PABIR2: variants seen among roughly 807,000 people sequenced by gnomAD.
PABIR2 encodes the protein family with sequence similarity 122B.
In PABIR2, 7 loss-of-function variants were observed where a neutral mutation model predicts 22.8. The ratio of observed to expected loss-of-function variants is 0.31; its 90% CI spans 0.17 to 0.58. PABIR2 has a LOEUF of 0.58. Ranked by LOEUF, PABIR2 falls within the 20% of genes least tolerant of loss-of-function variation. The pLI is 0.89. For synonymous variants in PABIR2, 67 were observed against 73.8 expected (o/e 0.91, Z 0.47); for missense variants, 155 against 205.1 (o/e 0.76, Z 1.49).
chrX:134,793,910 CA>C lies in PABIR2; in HGVS notation c.99-18del, dbSNP rs2079623366. On this transcript the variant is annotated intron_variant, in intron 1 of 9. Coordinates refer to ENST00000343004, the MANE Select transcript of PABIR2 (RefSeq NM_001387468.1). ...GAAAGGTCACTGAAAAAAACAAAAA[CA>C]AACAAACAAAAAAAACAAAATTAGT... 1 of 1,190,207 alleles carries C rather than the reference CA, an allele frequency of 8.4e-7. No homozygotes were observed. The highest frequency in any genetic ancestry group is 1.1e-6 in the Non-Finnish European group (1 of 888,271).
chrX:134,780,565 C>T (rs1482075062), intron 9 of PABIR2, among the ~76,000 whole-genome samples: 1 of 111,662 alleles, frequency 9.0e-6, no homozygotes, highest in African/African-American at 3.3e-5. Context: ...GGCAACAGAG[C>T]GAGCCTATCT....
intron 9 of PABIR2, among the ~76,000 whole-genome samples, chrX:134,778,770 CTA>C (rs1413069301): frequency 9.0e-6 from 1 of 110,950 alleles, no homozygotes; most frequent in African/African-American, 3.3e-5. Flanking sequence ...TGTTGACACT[CTA>C]TGAGTGGCTG....
chrX:134,796,140 T>A lies in PABIR2; in HGVS notation c.66A>T (p.Arg22Ser). The A allele has an allele frequency of 8.3e-7, 1 of 1,210,673 alleles. No homozygotes were observed. Among genetic ancestry groups the A allele is most frequent in the Non-Finnish European group, 1.1e-6 (1 of 895,198 alleles). The part of the protein sequence containing the change: ...PDTSYGGTLR[R>S]SSSAPLIHGL... ...CATGGATTAGGGGAGCGCTGCTGGA[T>A]CTCCTCAGGGTTCCCCCATAAGATG... Residue 22 changes from arginine (R) to serine (S), a missense_variant, in exon 1 of 10, where the codon AGA (arginine) becomes AGT (serine). Physicochemically the swap from Arg to Ser is moderately radical, Grantham distance 110. Coordinates refer to ENST00000343004, the MANE Select transcript of PABIR2 (RefSeq NM_001387468.1).
At chrX:134,787,895 G>A (rs2079388718) in intron 6 of PABIR2, among the ~76,000 whole-genome samples, 1 of 107,130 alleles carries the variant, frequency 9.3e-6, no homozygotes, top group South Asian at 4.0e-4. Flanking sequence ...GCCTCCCAAA[G>A]AGTTGGAATG....
At chrX:134,777,003 C>T (rs2078996000) in intron 9 of PABIR2, among the ~76,000 whole-genome samples, 1 of 112,179 alleles carries the variant, frequency 8.9e-6, no homozygotes, top group African/African-American at 3.2e-5. Context: ...CTGGCTGAAC[C>T]ACTTTGTGTC....
At chrX:134,793,726 T>C (rs1282707692) in intron 2 of PABIR2, 89 bp downstream of exon 2, 6 of 1,009,184 alleles carry the variant, frequency 5.9e-6, no homozygotes, top group Admixed American at 2.3e-5. Flanking sequence ...CTTAAACAAT[T>C]GTGCATAGCA....
At chrX:134,794,117 G>C (rs1013596512) in intron 1 of PABIR2, 5 of 597,728 alleles carry the variant, frequency 8.4e-6, no homozygotes, top group East Asian at 3.4e-4. Flanking sequence ...CTCAGTGGTC[G>C]GGGGGCAGCT....
At chrX:134,785,680 G>A (rs182529105) in intron 8 of PABIR2, among the ~76,000 whole-genome samples, 1 of 111,694 alleles carries the variant, frequency 9.0e-6, no homozygotes, top group Non-Finnish European at 1.9e-5. Flanking sequence ...GACCCGAGGC[G>A]ATCCACCTGC....
At chrX:134,784,410 G>A (rs1001175976) in intron 8 of PABIR2, among the ~76,000 whole-genome samples, 3 of 110,375 alleles carry the variant, frequency 2.7e-5, no homozygotes, top group Non-Finnish European at 3.8e-5. Context: ...GTTGCAGTGA[G>A]CCAAGATCAC....
At position 134,778,184 on chromosome X, in the gene PABIR2, G is replaced by A. The variant is rs1347097510; in HGVS notation, c.659+3637C>T. On this transcript the variant is annotated intron_variant, in intron 9 of 9. Coordinates refer to ENST00000343004, the MANE Select transcript of PABIR2 (RefSeq NM_001387468.1). ...GTTGGGATTACAGGCGTGAGCCACCGTGCTTGGCCAGGATCCAGTTTTTAT... is the reference window on the plus strand; with the variant it reads ...GTTGGGATTACAGGCGTGAGCCACCATGCTTGGCCAGGATCCAGTTTTTAT... 5.1e-5 allele frequency among the ~76,000 whole-genome samples: 5 copies of A among 98,678 alleles called. No homozygotes were observed. In the East Asian group the frequency reaches 1.6e-3, roughly 31 times the overall value. 85.7% of individuals were successfully genotyped at this position (98,678 alleles called of 115,157 possible).
intron 1 of PABIR2, among the ~76,000 whole-genome samples, chrX:134,795,257 T>A (rs1006989095): frequency 8.9e-6 from 1 of 112,057 alleles, no homozygotes. Context: ...GCCTTCACTG[T>A]GCTTGATTAA....
intron 9 of PABIR2, among the ~76,000 whole-genome samples, chrX:134,776,858 C>T (rs1029756891): frequency 1.4e-4 from 16 of 111,827 alleles, no homozygotes; most frequent in African/African-American, 5.2e-4. Context: ...ATGATCTGAT[C>T]CTTTTTCTGC....
chrX:134,781,037 A>T (rs1009788604), intron 9 of PABIR2, among the ~76,000 whole-genome samples: 5 of 112,691 alleles, frequency 4.4e-5, no homozygotes, highest in Non-Finnish European at 7.5e-5. Context: ...GACTGGATAC[A>T]AAATGCAGGC....
chrX:134,794,898 T>C (rs1364910962), intron 1 of PABIR2, among the ~76,000 whole-genome samples: 1 of 112,132 alleles, frequency 8.9e-6, no homozygotes, highest in East Asian at 2.8e-4. Flanking sequence ...CCTGGTCTCC[T>C]TGCCCCTTCT....
chrX:134,788,528 AAT>A (rs1156584006), intron 6 of PABIR2, among the ~76,000 whole-genome samples, 200 bp downstream of exon 6: 11 of 101,271 alleles, frequency 1.1e-4, no homozygotes, highest in South Asian at 7.5e-4. Flanking sequence ...ATATATATGT[AAT>A]ATATATGTTA....
At chrX:134,787,385 C>G in intron 7 of PABIR2, 87 bp downstream of exon 7, 1 of 931,379 alleles carries the variant, frequency 1.1e-6, no homozygotes, top group South Asian at 2.0e-5. Context: ...CAGGTGTGAG[C>G]CACTGCGCCC....
intron 8 of PABIR2, among the ~76,000 whole-genome samples, chrX:134,785,009 T>C (rs1187777325): frequency 9.8e-5 from 11 of 112,027 alleles, no homozygotes; most frequent in Admixed American, 3.8e-4. Context: ...TATGGATATG[T>C]TTGCTACGGC....
chrX:134,771,574 T>C lies in PABIR2; in HGVS notation c.*565A>G. The C allele has an allele frequency of 1.1e-6, 1 of 931,543 alleles. No homozygotes were observed. The highest frequency in any genetic ancestry group is 1.3e-6 in the Non-Finnish European group (1 of 752,781). The allele number at this position is 931,543 out of a possible 1,213,427, so 76.8% of individuals were successfully genotyped here. On this transcript the variant is annotated 3_prime_UTR_variant, in exon 10 of 10. Coordinates refer to ENST00000343004, the MANE Select transcript of PABIR2 (RefSeq NM_001387468.1). Reference sequence around the variant, plus strand: ...AAGCAACTACGTATTTCTTCCCCTCTGTGAGAAATGGCATAAGCGGCTCAA... The same window carrying C: ...AAGCAACTACGTATTTCTTCCCCTCCGTGAGAAATGGCATAAGCGGCTCAA...
intron 6 of PABIR2, among the ~76,000 whole-genome samples, 193 bp downstream of exon 6, chrX:134,788,537 G>GTT (rs2079447345): frequency 9.7e-6 from 1 of 102,638 alleles, no homozygotes; most frequent in Non-Finnish European, 1.9e-5. Flanking sequence ...TAATATATAT[G>GTT]TTATATATAT....
Sources: allele counts gnomAD v4.1 joint callset (sites outside exome capture counted in the v4.1 genomes callset), GRCh38; gene constraint gnomAD v4.1.1; transcripts MANE v1.5; gene names NCBI Gene and HGNC (gene_info 2026-07-23, HGNC 2026-07-21).